ARHGEF7: variants seen among roughly 807,000 people sequenced by gnomAD.
ARHGEF7 encodes Rho guanine nucleotide exchange factor 7, also known as PAK-interacting exchange factor beta.
Under a neutral mutation model 109.8 loss-of-function variants are expected in ARHGEF7, and 33 were observed. The ratio of observed to expected loss-of-function variants is 0.30; its 90% CI spans 0.23 to 0.40. The LOEUF is 0.40. Among genes scored for constraint, ARHGEF7 ranks in the 10% least tolerant of loss-of-function variants. The pLI is 1.00. For synonymous variants in ARHGEF7, 458 were observed against 424.6 expected, an observed-to-expected ratio of 1.08 and a Z score of -0.97; for missense variants, 938 against 1,098.5, an observed-to-expected ratio of 0.85 and a Z score of 2.07.
intron 1 of ARHGEF7, among the ~76,000 whole-genome samples, chr13:111,117,904 T>G (rs981419468): frequency 7.2e-5 from 11 of 152,254 alleles, no homozygotes; most frequent in Admixed American, 2.6e-4. Flanking sequence ...CCAGATAATC[T>G]ATGCCACAAA....
intron 13 of ARHGEF7, among the ~76,000 whole-genome samples, chr13:111,279,897 A>T (rs757834300): frequency 3.9e-5 from 6 of 152,224 alleles, no homozygotes; most frequent in Admixed American, 2.0e-4. Context: ...AGGAAAATAC[A>T]TGGTTCTTTT....
At chr13:111,116,544 C>T (rs1432512932) in intron 1 of ARHGEF7, 1 of 141,072 alleles carries the variant, frequency 7.1e-6, no homozygotes, top group African/African-American at 2.7e-5. Flanking sequence ...AATCTTATTC[C>T]CAGGGTGTTT....
rs555262451 is a variant in ARHGEF7 at position 111,214,458 on chromosome 13, T to C, written c.469-3221T>C. On this transcript the variant is annotated intron_variant, in intron 4 of 21. Transcript: ENST00000646102. Reference sequence around the variant, plus strand: ...AGGGTGCATGCACTGTGAGCCTGTTTTCCACAAGGCCGGCGTGCCCAGGTG... The same window carrying C: ...AGGGTGCATGCACTGTGAGCCTGTTCTCCACAAGGCCGGCGTGCCCAGGTG... Among the ~76,000 whole-genome samples the C allele has an allele frequency of 4.6e-5, 7 of 152,366 alleles. No homozygotes were observed. In the South Asian group the frequency reaches 1.2e-3, roughly 27 times the overall value.
intron 8 of ARHGEF7, among the ~76,000 whole-genome samples, chr13:111,252,916 G>T (rs1411694632): frequency 6.6e-6 from 1 of 152,240 alleles, no homozygotes; most frequent in Non-Finnish European, 1.5e-5. Flanking sequence ...TCAGTTGGCA[G>T]TGCTTTTCGC....
At chr13:111,196,617 C>G (rs753343992) in intron 2 of ARHGEF7, among the ~76,000 whole-genome samples, 1 of 152,082 alleles carries the variant, frequency 6.6e-6, no homozygotes, top group African/African-American at 2.4e-5. Context: ...GGGACATAAC[C>G]GATAGCCCGG....
At chr13:111,294,609 C>G in intron 19 of ARHGEF7, 1 of 985,390 alleles carries the variant, frequency 1.0e-6, no homozygotes, top group South Asian at 4.7e-5. Context: ...ACACCATTAG[C>G]TTTTGTGATC....
rs1380144092 is a variant in ARHGEF7, at chr13:111,255,454, C to T, written c.950+11160C>T. 1.3e-5 allele frequency among the ~76,000 whole-genome samples: 2 copies of T among 152,208 alleles called. No individual in the cohort carries two copies. Among genetic ancestry groups the T allele is most frequent in the Admixed American group, 6.5e-5 (1 of 15,286 alleles). Reference sequence around the variant, plus strand: ...CTATAAAGCAGGGGTGCTGGTGTCACCCACCCAGAGTCTTGCGGAGGTAAA... The same window carrying T: ...CTATAAAGCAGGGGTGCTGGTGTCATCCACCCAGAGTCTTGCGGAGGTAAA... On this transcript the variant is annotated intron_variant, in intron 8 of 21. Transcript: ENST00000646102. This position sits in a 1 kb window ranked among gnomAD's most constrained non-coding sequence, Gnocchi z 4.1.
At chr13:111,236,834 A>C (rs2084331632) in intron 6 of ARHGEF7, among the ~76,000 whole-genome samples, 1 of 152,134 alleles carries the variant, frequency 6.6e-6, no homozygotes, top group South Asian at 2.1e-4. Flanking sequence ...GCTGGGTGGC[A>C]AATGCCTGTA....
At chr13:111,198,727 A>G (rs2080866906) in intron 2 of ARHGEF7, among the ~76,000 whole-genome samples, 1 of 152,176 alleles carries the variant, frequency 6.6e-6, no homozygotes, top group South Asian at 2.1e-4. Flanking sequence ...AGAGCAAAAG[A>G]ACAAAGCTTC....
chr13:111,175,639 G>A (rs979996033), intron 2 of ARHGEF7, among the ~76,000 whole-genome samples: 5 of 152,186 alleles, frequency 3.3e-5, no homozygotes, highest in African/African-American at 1.2e-4. Flanking sequence ...TCTGCTCCAG[G>A]CGCTTTGAAA....
chr13:111,139,387 T>C (rs1038752722), intron 1 of ARHGEF7, among the ~76,000 whole-genome samples: 6 of 152,218 alleles, frequency 3.9e-5, no homozygotes, highest in Non-Finnish European at 7.3e-5. Flanking sequence ...TCTGTATCTG[T>C]GACATCCTCT....
At chr13:111,180,862 G>C (rs1232029425) in intron 2 of ARHGEF7, among the ~76,000 whole-genome samples, 1 of 152,150 alleles carries the variant, frequency 6.6e-6, no homozygotes, top group Non-Finnish European at 1.5e-5. Context: ...TGTTTATATA[G>C]ATAATATACA....
intron 7 of ARHGEF7, 47 bp from the exon 8 acceptor site, chr13:111,244,152 A>C (rs751798965): frequency 7.0e-7 from 1 of 1,432,174 alleles, no homozygotes; most frequent in Admixed American, 1.9e-5. Context: ...AGAAGAATAT[A>C]AATAAAACTG....
chr13:111,196,697 A>G (rs1219735240), intron 2 of ARHGEF7, among the ~76,000 whole-genome samples: 5 of 151,966 alleles, frequency 3.3e-5, no homozygotes, highest in African/African-American at 1.2e-4. Flanking sequence ...GAGGAGGCTT[A>G]TCATTAATAG....
chr13:111,292,507 G>T (rs41275850), intron 19 of ARHGEF7: 2 of 1,427,110 alleles, frequency 1.4e-6, no homozygotes, highest in East Asian at 5.0e-5. Flanking sequence ...GTATACATTC[G>T]AATGACTGAC....
In ARHGEF7 at chr13:111,273,730, C is replaced by G; in HGVS notation, c.1074-84C>G. ...AAGCAACACTTATGTTTCATAAATT[C>G]TGGCTGTTGCTCATGGAGATGAGAG... On this transcript the variant is annotated intron_variant, in intron 9 of 21. Transcript: ENST00000646102. This position sits in a 1 kb window ranked among gnomAD's most constrained non-coding sequence, Gnocchi z 4.5. The G allele has an allele frequency of 6.4e-7, 1 of 1,553,230 alleles. No homozygotes were observed. The highest frequency in any genetic ancestry group is 1.7e-5 in the Admixed American group (1 of 58,672).
chr13:111,153,705 C>G (rs1351539580), intron 1 of ARHGEF7, 200 bp from the exon 2 acceptor site: 8 of 1,316,876 alleles, frequency 6.1e-6, no homozygotes, highest in East Asian at 3.3e-5. Context: ...GGTGCAGCCC[C>G]GGAGGAAGAA....
rs2091664348 is a variant in ARHGEF7, at chr13:111,266,623, G to T, written c.951-925G>T. Among the ~76,000 whole-genome samples, 1 of 152,090 alleles carries T rather than the reference G, an allele frequency of 6.6e-6. No individual in the cohort carries two copies. The highest frequency in any genetic ancestry group is 2.4e-5 in the African/African-American group (1 of 41,398). On this transcript the variant is annotated intron_variant, in intron 8 of 21. Transcript: ENST00000646102. This position sits in a 1 kb window ranked among gnomAD's most constrained non-coding sequence, Gnocchi z 4.8. ...TTGGCACACTAAAAGCACTTTGGAA[G>T]TGCTGTCCGAGAGTTGGGACTGGTT... is the stretch of plus-strand genomic sequence containing the variant.
chr13:111,171,916 C>A (rs1005378415), intron 2 of ARHGEF7, among the ~76,000 whole-genome samples: 1 of 152,324 alleles, frequency 6.6e-6, no homozygotes, highest in Admixed American at 6.5e-5. Flanking sequence ...GCAGTGAGTT[C>A]ATCTGTGAAG....
Sources: allele counts gnomAD v4.1 joint callset (sites outside exome capture counted in the v4.1 genomes callset), GRCh38; gene constraint gnomAD v4.1.1; non-coding constraint Gnocchi (gnomAD v3.1); transcripts MANE v1.5; gene names NCBI Gene and HGNC (gene_info 2026-07-23, HGNC 2026-07-21).